Variants in TANC2 observed in about 807,000 individuals in gnomAD.
TANC2 encodes protein TANC2.
Under a neutral mutation model 210.5 loss-of-function variants are expected in TANC2, and 26 were observed. That is an observed-to-expected ratio of 0.12 (90% CI 0.09 to 0.17). TANC2 has a LOEUF of 0.17. Ranked by LOEUF, TANC2 falls within the 10% of genes least tolerant of loss-of-function variation. The probability of loss-of-function intolerance (pLI) is 1.00; values close to 1 mark genes in which losing one functional copy is unlikely to be tolerated. For missense variants in TANC2, 2,129 were observed against 2,608.9 expected, an observed-to-expected ratio of 0.82 and a Z score of 4.01; for synonymous variants, 931 against 967.1, an observed-to-expected ratio of 0.96 and a Z score of 0.69.
chr17:63,305,774 CTG>C (rs2044880960), intron 9 of TANC2, among the ~76,000 whole-genome samples: 1 of 152,166 alleles, frequency 6.6e-6, no homozygotes, highest in South Asian at 2.1e-4. Flanking sequence ...TTAACCTTGA[CTG>C]TAATATATGG....
chr17:63,329,233 T>C (rs990180164), intron 11 of TANC2, among the ~76,000 whole-genome samples: 1 of 152,066 alleles, frequency 6.6e-6, no homozygotes, highest in African/African-American at 2.4e-5. Context: ...TTATAGCATA[T>C]ACTACAGATA....
chr17:63,398,976 C>T (rs757002058), intron 19 of TANC2, 62 bp downstream of exon 19: 97 of 1,250,426 alleles, frequency 7.8e-5, no homozygotes, highest in Non-Finnish European at 1.2e-5. Context: ...TCGAATCTCA[C>T]CCCCTTATTT....
intron 16 of TANC2, among the ~76,000 whole-genome samples, chr17:63,389,083 A>G (rs1015733222): frequency 1.3e-5 from 2 of 152,184 alleles, no homozygotes; most frequent in Non-Finnish European, 2.9e-5. Flanking sequence ...GTTCAGCACT[A>G]CAGTATAGGA....
chr17:63,312,885 A>G (rs1463774600), intron 9 of TANC2, among the ~76,000 whole-genome samples: 1 of 152,144 alleles, frequency 6.6e-6, no homozygotes, highest in Non-Finnish European at 1.5e-5. Flanking sequence ...CTGTTGTCAG[A>G]ATTTGGCTTT....
chr17:63,087,680 C>T (rs529303168), intron 3 of TANC2, among the ~76,000 whole-genome samples: 1 of 152,278 alleles, frequency 6.6e-6, no homozygotes, highest in African/African-American at 2.4e-5. Context: ...GGAGATAAAA[C>T]TCACAAAAGA....
chr17:63,322,414 C>T (rs1304338498), intron 11 of TANC2, among the ~76,000 whole-genome samples: 5 of 152,104 alleles, frequency 3.3e-5, no homozygotes, highest in Non-Finnish European at 5.9e-5. Context: ...AGGAGAATGG[C>T]GTGAACCTGG....
At chr17:63,254,887 T>C (rs188925149) in intron 8 of TANC2, among the ~76,000 whole-genome samples, 1 of 152,118 alleles carries the variant, frequency 6.6e-6, no homozygotes, top group East Asian at 1.9e-4. Context: ...TAGTATTTTG[T>C]TGAGGATTTT....
exon 17 of TANC2, chr17:63,389,517 G>A: frequency 6.2e-7 from 1 of 1,611,080 alleles, no homozygotes; most frequent in Non-Finnish European, 8.5e-7. Flanking sequence ...TGAGCATTGT[G>A]GTGCTGCTGT....
rs199891807 is a variant in TANC2 at position 63,326,748 on chromosome 17, A to AC, written c.1575+7658_1575+7659insC. Among the ~76,000 whole-genome samples, 193 of 151,136 alleles carry AC rather than the reference A, an allele frequency of 1.3e-3. 1 individual carries two copies. Among genetic ancestry groups the AC allele is most frequent in the African/African-American group, 4.0e-3 (166 of 41,238 alleles). The stretch of plus-strand genomic sequence containing the variant: ...GTCAAAAACAACAACAACAACAACA[A>AC]AAAAAAAACTTCTAATGTTGCATGA... On this transcript the variant is annotated intron_variant, in intron 11 of 27. Transcript: ENST00000689528.
chr17:63,319,580 A>G (rs1424163532), intron 11 of TANC2, among the ~76,000 whole-genome samples: 2 of 152,170 alleles, frequency 1.3e-5, no homozygotes, highest in African/African-American at 2.4e-5. Context: ...CAAACCCCTT[A>G]TCTCAGGTGA....
intron 1 of TANC2, among the ~76,000 whole-genome samples, chr17:62,984,845 A>G (rs1568295988): frequency 6.6e-6 from 1 of 152,186 alleles, no homozygotes; most frequent in Non-Finnish European, 1.5e-5. Context: ...AAATTAAAAC[A>G]ATGTTTTAGA....
chr17:63,032,586 T>G (rs989500162), intron 2 of TANC2, among the ~76,000 whole-genome samples: 1 of 152,066 alleles, frequency 6.6e-6, no homozygotes, highest in East Asian at 1.9e-4. Context: ...AACTACATGA[T>G]TGATTGGGTG....
At chr17:63,199,511 C>T (rs963886893) in intron 6 of TANC2, among the ~76,000 whole-genome samples, 5 of 151,370 alleles carry the variant, frequency 3.3e-5, no homozygotes, top group Admixed American at 6.6e-5. Context: ...CCCAGCTACT[C>T]GGAAGGCTGA....
chr17:63,265,803 T>C (rs2043507795), intron 8 of TANC2, among the ~76,000 whole-genome samples: 1 of 149,238 alleles, frequency 6.7e-6, no homozygotes, highest in African/African-American at 2.5e-5. Context: ...TGTTACACTT[T>C]CTGTTTTTTT....
intron 2 of TANC2, among the ~76,000 whole-genome samples, chr17:63,017,488 G>A (rs1229852603): frequency 6.6e-6 from 1 of 152,128 alleles, no homozygotes; most frequent in Non-Finnish European, 1.5e-5. Flanking sequence ...TTTATACAGT[G>A]TTTTATTAAT....
chr17:63,372,551 TATAAA>T (rs1326411919), intron 14 of TANC2, among the ~76,000 whole-genome samples: 13 of 152,196 alleles, frequency 8.5e-5, no homozygotes, highest in Non-Finnish European at 1.6e-4. Flanking sequence ...ATAAAAGAAA[TATAAA>T]ATAAAATGCA....
At chr17:63,065,702 G>A (rs1275329442) in intron 2 of TANC2, among the ~76,000 whole-genome samples, 1 of 152,120 alleles carries the variant, frequency 6.6e-6, no homozygotes, top group South Asian at 2.1e-4. Context: ...GTCTTCTTTA[G>A]AGAAATGTCT....
At chr17:63,174,739 T>C (rs1243958759) in intron 5 of TANC2, among the ~76,000 whole-genome samples, 1 of 152,186 alleles carries the variant, frequency 6.6e-6, no homozygotes, top group Non-Finnish European at 1.5e-5. Context: ...ATTTCTATAA[T>C]TGCATTTATA....
chr17:63,424,001 G>C (rs1018569160), exon 28 of TANC2: 1 of 152,200 alleles, frequency 6.6e-6, no homozygotes, highest in Non-Finnish European at 1.5e-5. Context: ...CTCTCAGATT[G>C]CTTTTTGGCC....
Sources: gnomAD v4.1 joint callset for allele counts (sites outside exome capture counted in the v4.1 genomes callset) on GRCh38, gnomAD v4.1.1 for gene constraint, MANE v1.5 for transcripts, NCBI Gene and HGNC (gene_info 2026-07-23, HGNC 2026-07-21) for gene names.